The following OCA2 variants were observed in gnomAD, a reference collection of about 807,000 sequenced individuals.
OCA2 encodes OCA2 melanosomal transmembrane protein, also known as P protein.
In OCA2, 77 loss-of-function variants were observed where a neutral mutation model predicts 100.2. The ratio of observed to expected loss-of-function variants is 0.77; its 90% CI spans 0.64 to 0.93. The LOEUF (loss-of-function observed/expected upper bound fraction) is 0.93. OCA2 is among the 40% of genes least tolerant of loss of function. The pLI is 0.00. For synonymous variants in OCA2, 432 were observed against 439.2 expected, an observed-to-expected ratio of 0.98 and a Z score of 0.21; for missense variants, 1,062 against 1,089.1, an observed-to-expected ratio of 0.98 and a Z score of 0.35.
chr15:27,852,184 TCTG>T (rs994910952), intron 21 of OCA2, among the ~76,000 whole-genome samples: 19 of 152,368 alleles, frequency 1.2e-4, no homozygotes, highest in African/African-American at 4.6e-4. Context: ...CTGTGAAGTT[TCTG>T]TAAGAAATTT....
At chr15:28,029,430 A>G (rs1320472558) in intron 3 of OCA2, among the ~76,000 whole-genome samples, 1 of 152,214 alleles carries the variant, frequency 6.6e-6, no homozygotes, top group African/African-American at 2.4e-5. Context: ...CTTTTCTTAT[A>G]AGAAGACAGA....
rs193052578 is a variant in OCA2, at chr15:27,764,149, C to T, written c.2433-8677G>A. Among the ~76,000 whole-genome samples the T allele has an allele frequency of 2.8e-3, 411 of 147,040 alleles. 2 individuals carry two copies. The highest frequency in any genetic ancestry group is 5.2e-3 in the Admixed American group (75 of 14,494). On this transcript the variant is annotated intron_variant, in intron 23 of 23. Coordinates refer to ENST00000354638, the MANE Select transcript of OCA2 (RefSeq NM_000275.3). Reference sequence around the variant, plus strand: ...AAGGGAGAGGGATCAGAGAGGGATACAGAAAGAGGGAGGAGGGAGACGGGG... The same window carrying T: ...AAGGGAGAGGGATCAGAGAGGGATATAGAAAGAGGGAGGAGGGAGACGGGG...
chr15:27,779,968 A>G (rs1263115662), intron 23 of OCA2, among the ~76,000 whole-genome samples: 2 of 152,190 alleles, frequency 1.3e-5, no homozygotes, highest in African/African-American at 4.8e-5. Context: ...TGTATTGTAC[A>G]CTCAAAAATC....
intron 2 of OCA2, among the ~76,000 whole-genome samples, chr15:28,046,829 C>T (rs2043362466): frequency 6.6e-6 from 1 of 152,206 alleles, no homozygotes; most frequent in South Asian, 2.1e-4. Flanking sequence ...CCTCTTCACA[C>T]AGGGTAGGCA....
chr15:28,004,429 G>C (rs2042026243), intron 9 of OCA2, among the ~76,000 whole-genome samples: 1 of 152,190 alleles, frequency 6.6e-6, no homozygotes, highest in African/African-American at 2.4e-5. Context: ...CTGGGCTGCA[G>C]GGGAGCCTGC....
Position 27,978,522 on chromosome 15 carries a change from T to C in OCA2, c.1503+4823A>G, listed in dbSNP as rs1385078968. ...TTCACTATATGAATTTACCCCTTTA[T>C]TATGATGAAATGTTCTTTAATCCTA... On this transcript the variant is annotated intron_variant, in intron 14 of 23. Transcript: ENST00000354638. Among the ~76,000 whole-genome samples the C allele has an allele frequency of 3.9e-5, 6 of 152,334 alleles. No individual in the cohort carries two copies. The East Asian group carries it at 1.2e-3, about 29-fold the overall frequency.
chr15:27,947,286 G>C (rs1463394682), intron 18 of OCA2, among the ~76,000 whole-genome samples: 2 of 152,224 alleles, frequency 1.3e-5, no homozygotes, highest in Non-Finnish European at 2.9e-5. Flanking sequence ...CTGGCACTAA[G>C]GGTCTCATGC....
At chr15:27,724,039 A>C in the OCA2 span, among the ~76,000 whole-genome samples, 1 of 152,072 alleles carries the variant, frequency 6.6e-6, no homozygotes, top group African/African-American at 2.4e-5. Context: ...GGCATCATGA[A>C]CCACGTGACT....
At chr15:27,752,749 C>T (rs1230598557), downstream of OCA2, among the ~76,000 whole-genome samples, 2 of 147,374 alleles carry the variant, frequency 1.4e-5, no homozygotes, top group African/African-American at 5.1e-5. Flanking sequence ...CCACGGCTCC[C>T]GTCCAGTCCC....
chr15:27,760,219 A>G (rs1037541874), intron 23 of OCA2, among the ~76,000 whole-genome samples: 2 of 152,032 alleles, frequency 1.3e-5, no homozygotes, highest in Non-Finnish European at 2.9e-5. Flanking sequence ...ATGGAGCATC[A>G]TTTTCTAATT....
intron 2 of OCA2, among the ~76,000 whole-genome samples, chr15:28,079,109 G>C (rs1334142386): frequency 6.6e-6 from 1 of 152,106 alleles, no homozygotes; most frequent in Non-Finnish European, 1.5e-5. Flanking sequence ...CCTTTTCAAC[G>C]CAGTCTGAAG....
At chr15:28,024,391 G>C (rs1188601917) in intron 5 of OCA2, among the ~76,000 whole-genome samples, 1 of 152,250 alleles carries the variant, frequency 6.6e-6, no homozygotes, top group Non-Finnish European at 1.5e-5. Flanking sequence ...CTCCCCAGAG[G>C]GGGCAAACCT....
At chr15:27,817,975 G>T (rs1470605054) in intron 23 of OCA2, among the ~76,000 whole-genome samples, 1 of 152,148 alleles carries the variant, frequency 6.6e-6, no homozygotes, top group Non-Finnish European at 1.5e-5. Context: ...AAAATTTTAA[G>T]CCCTAAGAAA....
chr15:27,849,805 T>G (rs1207543459), intron 22 of OCA2, among the ~76,000 whole-genome samples: 3 of 152,144 alleles, frequency 2.0e-5, no homozygotes, highest in Non-Finnish European at 4.4e-5. Flanking sequence ...ACAGTTAAGA[T>G]GGTACATTTT....
intron 23 of OCA2, among the ~76,000 whole-genome samples, chr15:27,815,811 C>A (rs1453811682): frequency 6.6e-6 from 1 of 152,212 alleles, no homozygotes; most frequent in Non-Finnish European, 1.5e-5. Flanking sequence ...CACACAGTGA[C>A]CCCCGTGTTT....
At position 28,022,544 on chromosome 15, in the gene OCA2, T is replaced by C; in HGVS notation, c.603A>G (p.Gly201=). The change falls in exon 6 of 24, where the codon GGA becomes GGG. Residue 201 remains glycine, a synonymous_variant. Transcript: ENST00000354638. ...SILFSLYPDQ[G]KLWQLLALSP... ...ATAAGGCCAACAGCTGCCAGAGCTT[T>C]CCTTGATCCGGATATAGGCTGAACA... 2 of 1,614,110 alleles carry C rather than the reference T, an allele frequency of 1.2e-6. No homozygotes were observed. Among genetic ancestry groups the C allele is most frequent in the Non-Finnish European group, 1.7e-6 (2 of 1,179,940 alleles).
intron 23 of OCA2, among the ~76,000 whole-genome samples, chr15:27,797,566 TGGCAGG>T (rs2033397693): frequency 6.6e-6 from 1 of 151,764 alleles, no homozygotes; most frequent in Non-Finnish European, 1.5e-5. Flanking sequence ...ATTGCTGTTG[TGGCAGG>T]GGTCTCACAG....
intron 23 of OCA2, among the ~76,000 whole-genome samples, chr15:27,803,898 T>C (rs1424892249): frequency 2.0e-5 from 3 of 152,156 alleles, no homozygotes; most frequent in South Asian, 2.1e-4. Context: ...GCCATAACCA[T>C]GTGGGAAACA....
intron 19 of OCA2, among the ~76,000 whole-genome samples, chr15:27,908,552 C>T (rs573936896): frequency 6.6e-6 from 1 of 152,286 alleles, no homozygotes; most frequent in Non-Finnish European, 1.5e-5. Flanking sequence ...CATGCAGTTG[C>T]ACACCTGACT....
Sources: allele counts gnomAD v4.1 joint callset (sites outside exome capture counted in the v4.1 genomes callset), GRCh38; gene constraint gnomAD v4.1.1; transcripts MANE v1.5; gene names NCBI Gene and HGNC (gene_info 2026-07-23, HGNC 2026-07-21).